Variants in ITGA8 observed in about 807,000 individuals in gnomAD.
ITGA8 encodes the protein integrin subunit alpha 8, also known as integrin alpha-8.
ITGA8 carries 91 observed loss-of-function variants against 142.3 expected under a neutral mutation model. The observed-to-expected ratio is 0.64, with a 90% CI of 0.54 to 0.76. The LOEUF (loss-of-function observed/expected upper bound fraction) is 0.76. Ranked by LOEUF, ITGA8 falls within the 30% of genes least tolerant of loss-of-function variation. The pLI is 0.00. For missense variants in ITGA8, 1,406 were observed against 1,327.7 expected, an observed-to-expected ratio of 1.06 and a Z score of -0.92; for synonymous variants, 505 against 485.2, an observed-to-expected ratio of 1.04 and a Z score of -0.54.
In ITGA8 at chr10:15,711,737, A is replaced by G. The variant is rs148474365; in HGVS notation, c.343+7029T>C. 1.5e-4 allele frequency among the ~76,000 whole-genome samples: 23 copies of G among 152,236 alleles called. No individual in the cohort carries two copies. In the East Asian group the frequency reaches 4.3e-3, roughly 28 times the overall value. On this transcript the variant is annotated intron_variant, in intron 2 of 29. Coordinates refer to ENST00000378076, the MANE Select transcript of ITGA8 (RefSeq NM_003638.3). ...ATGCCTGGAAATCACTTCTATAAAG[A>G]CTTATTTTTGTAATCTATACCTTAA... is the stretch of plus-strand genomic sequence containing the variant.
chr10:15,708,446 G>A (rs1018066557), intron 2 of ITGA8, among the ~76,000 whole-genome samples: 3 of 152,068 alleles, frequency 2.0e-5, no homozygotes, highest in African/African-American at 4.8e-5. Context: ...TGGTATAAAC[G>A]TCTCACTCAT....
At position 15,517,045 on chromosome 10, in the gene ITGA8, T is replaced by C; in HGVS notation, c.*113A>G. On this transcript the variant is annotated 3_prime_UTR_variant, in exon 30 of 30. Transcript: ENST00000378076. ...GGTGATGTTTCCAGGGTCCCCTCCA[T>C]TTCCTGGGTCACTGTCAGGTATCAG... The C allele has an allele frequency of 1.5e-6, 1 of 672,480 alleles. No individual in the cohort carries two copies. The highest frequency in any genetic ancestry group is 2.4e-6 in the Non-Finnish European group (1 of 422,224). 41.7% of individuals were successfully genotyped at this position (672,480 alleles called of 1,614,324 possible).
chr10:15,556,528 G>A (rs1292998569), intron 26 of ITGA8, among the ~76,000 whole-genome samples: 2 of 152,088 alleles, frequency 1.3e-5, no homozygotes, highest in Non-Finnish European at 2.9e-5. Flanking sequence ...AGCACGGAAT[G>A]TTTGTTTTCT....
chr10:15,520,735 A>G (rs1833048651), intron 28 of ITGA8, among the ~76,000 whole-genome samples: 1 of 152,230 alleles, frequency 6.6e-6, no homozygotes, highest in African/African-American at 2.4e-5. Flanking sequence ...CTAACGTAGT[A>G]TTCCGGTTTT....
chr10:15,591,577 C>A (rs1832923632), intron 22 of ITGA8, among the ~76,000 whole-genome samples: 2 of 152,058 alleles, frequency 1.3e-5, no homozygotes, highest in Non-Finnish European at 2.9e-5. Flanking sequence ...CTACTTTCTT[C>A]AGGTCTTCCT....
intron 25 of ITGA8, among the ~76,000 whole-genome samples, chr10:15,562,443 C>T (rs1398411063): frequency 2.0e-5 from 3 of 152,082 alleles, no homozygotes; most frequent in Non-Finnish European, 4.4e-5. Context: ...ATATTAGAAA[C>T]AGGAGGTTAT....
At chr10:15,647,201 G>A in intron 11 of ITGA8, 150 bp from the exon 12 acceptor site, 1 of 618,260 alleles carries the variant, frequency 1.6e-6, no homozygotes, top group Non-Finnish European at 2.9e-6. Flanking sequence ...TCGCTGCTTT[G>A]TTATATCTAT....
intron 8 of ITGA8, among the ~76,000 whole-genome samples, chr10:15,666,531 C>T (rs913593712): frequency 4.6e-5 from 7 of 152,134 alleles, no homozygotes; most frequent in East Asian, 1.9e-4. Context: ...GCCTGATTGC[C>T]GTGGCCAGAA....
At chr10:15,682,206 G>C (rs1834750736) in intron 4 of ITGA8, among the ~76,000 whole-genome samples, 1 of 152,134 alleles carries the variant, frequency 6.6e-6, no homozygotes, top group Non-Finnish European at 1.5e-5. Flanking sequence ...TTCACTGCCT[G>C]ACATTGCATC....
intron 15 of ITGA8, 151 bp downstream of exon 15, chr10:15,613,509 C>CCAG: frequency 3.0e-6 from 2 of 673,534 alleles, no homozygotes; most frequent in South Asian, 3.6e-5. Flanking sequence ...CGGCCACAGA[C>CCAG]CAGCAGCAGC....
intron 13 of ITGA8, among the ~76,000 whole-genome samples, chr10:15,628,667 C>T (rs574344025): frequency 1.3e-5 from 2 of 151,756 alleles, no homozygotes; most frequent in Non-Finnish European, 2.9e-5. Context: ...GATCCAAGAA[C>T]CCTCTCTTGG....
chr10:15,532,490 C>G lies in ITGA8; in HGVS notation c.2881-1339G>C, dbSNP rs114857862. Among the ~76,000 whole-genome samples, 1,000 of 149,270 alleles carry G rather than the reference C, an allele frequency of 6.7e-3. 11 individuals carry two copies. The highest frequency in any genetic ancestry group is 0.024 in the African/African-American group (970 of 40,200). ...TTGTCCCCAGGGGAACAAAATCACC[C>G]CAGTTAAGAACCACTGACCTAGAGC... On this transcript the variant is annotated intron_variant, in intron 27 of 29. Transcript: ENST00000378076.
chr10:15,703,208 G>T (rs1835197946), intron 2 of ITGA8, among the ~76,000 whole-genome samples: 1 of 152,170 alleles, frequency 6.6e-6, no homozygotes, highest in Non-Finnish European at 1.5e-5. Context: ...TCTGCCTATT[G>T]TATAGTTTTC....
intron 28 of ITGA8, among the ~76,000 whole-genome samples, chr10:15,521,238 G>T (rs1021386032): frequency 6.6e-6 from 1 of 151,916 alleles, no homozygotes; most frequent in African/African-American, 2.4e-5. Context: ...TGGCCAGGCT[G>T]GTCTAGAACT....
At chr10:15,517,305 T>C in intron 29 of ITGA8, 61 bp from the exon 30 acceptor site, 1 of 1,117,328 alleles carries the variant, frequency 8.9e-7, no homozygotes. Context: ...AAACCCCTCA[T>C]TCAAAGAATT....
At chr10:15,527,933 T>A (rs1833211106) in intron 28 of ITGA8, among the ~76,000 whole-genome samples, 2 of 121,678 alleles carry the variant, frequency 1.6e-5, no homozygotes, top group Non-Finnish European at 3.6e-5. Context: ...TTTTTTTTTT[T>A]GAGACAGGTT....
intron 28 of ITGA8, among the ~76,000 whole-genome samples, chr10:15,527,096 G>A (rs565376367): frequency 3.9e-5 from 6 of 152,008 alleles, no homozygotes; most frequent in African/African-American, 7.3e-5. Flanking sequence ...TTAAATAAAC[G>A]TACCAAGACA....
chr10:15,679,174 A>G (rs891179096), intron 4 of ITGA8, among the ~76,000 whole-genome samples: 11 of 152,224 alleles, frequency 7.2e-5, no homozygotes, highest in Admixed American at 3.9e-4. Context: ...GTCATTCCCA[A>G]AAGTTGACAC....
At chr10:15,700,536 A>G (rs1050085515) in intron 2 of ITGA8, among the ~76,000 whole-genome samples, 4 of 152,170 alleles carry the variant, frequency 2.6e-5, no homozygotes, top group Non-Finnish European at 5.9e-5. Flanking sequence ...CGCATGCAGT[A>G]AACATGCAGC....
Sources: allele counts gnomAD v4.1 joint callset (sites outside exome capture counted in the v4.1 genomes callset), GRCh38; gene constraint gnomAD v4.1.1; transcripts MANE v1.5; gene names NCBI Gene and HGNC (gene_info 2026-07-23, HGNC 2026-07-21).